DOCK2: variants seen among roughly 807,000 people sequenced by gnomAD.
DOCK2 encodes dedicator of cytokinesis 2, also known as dedicator of cytokinesis protein 2.
DOCK2 carries 87 observed loss-of-function variants against 248.9 expected under a neutral mutation model. That is an observed-to-expected ratio of 0.35 (90% CI 0.29 to 0.42). The LOEUF is 0.42. DOCK2 is among the 10% of genes least tolerant of loss of function. The pLI is 1.00. For synonymous variants in DOCK2, 805 were observed against 821.6 expected, an observed-to-expected ratio of 0.98 and a Z score of 0.35; for missense variants, 1,747 against 2,300.2, an observed-to-expected ratio of 0.76 and a Z score of 4.92.
chr5:170,057,380 G>C, intron 43 of DOCK2, 200 bp from the exon 44 acceptor site: 1 of 636,238 alleles, frequency 1.6e-6, no homozygotes, highest in Non-Finnish European at 2.8e-6. Context: ...AGTCCAGGGA[G>C]AGCTTACACT....
chr5:169,702,078 T>A (rs1761001080), intron 13 of DOCK2: 1 of 384,426 alleles, frequency 2.6e-6, no homozygotes, highest in Non-Finnish European at 4.7e-6. Flanking sequence ...TGAGTGTCCC[T>A]ACTTCCCTTT....
intron 45 of DOCK2, 116 bp downstream of exon 45, chr5:170,067,802 C>A: frequency 8.6e-7 from 1 of 1,165,112 alleles, no homozygotes; most frequent in Non-Finnish European, 1.2e-6. Flanking sequence ...GTCCTTGTCC[C>A]CAGAGGGACC....
chr5:169,950,080 G>A (rs1776598044), intron 27 of DOCK2, among the ~76,000 whole-genome samples: 1 of 152,142 alleles, frequency 6.6e-6, no homozygotes. Context: ...GCATGTTCAA[G>A]CCCATCTGGC....
intron 22 of DOCK2, among the ~76,000 whole-genome samples, chr5:169,737,060 A>G (rs549828331): frequency 6.6e-6 from 1 of 152,320 alleles, no homozygotes; most frequent in East Asian, 1.9e-4. Flanking sequence ...AATCAAGGGG[A>G]AATGCATGTG....
Position 169,841,410 on chromosome 5 carries a change from C to T in DOCK2, c.2799+558C>T, listed in dbSNP as rs151164267. ...TCTTCTCCCGACACAGAACCCAGCTCGAACCCTTTAACCTCTGCCCATCGT... is the reference window on the plus strand; with the variant it reads ...TCTTCTCCCGACACAGAACCCAGCTTGAACCCTTTAACCTCTGCCCATCGT... On this transcript the variant is annotated intron_variant, in intron 27 of 51. Transcript: ENST00000520908. 7.0e-4 allele frequency: 695 copies of T among 987,180 alleles called. 1 individual carries two copies. The highest frequency in any genetic ancestry group is 9.3e-4 in the South Asian group (20 of 21,398). 61.2% of individuals were successfully genotyped at this position (987,180 alleles called of 1,614,324 possible). A position where few individuals can be genotyped will look rare whatever the true frequency, so the allele number is the denominator to read the frequency against.
chr5:170,050,037 T>C (rs985378171), intron 40 of DOCK2, among the ~76,000 whole-genome samples: 11 of 152,236 alleles, frequency 7.2e-5, no homozygotes, highest in Admixed American at 2.0e-4. Context: ...TCAGCATCCA[T>C]GATCTTCCCT....
intron 44 of DOCK2, among the ~76,000 whole-genome samples, chr5:170,065,305 A>C (rs553238116): frequency 9.2e-5 from 14 of 152,348 alleles, no homozygotes; most frequent in Admixed American, 8.5e-4. Flanking sequence ...AAAGCCATCA[A>C]ATCACAAAGG....
At chr5:169,984,600 A>G (rs1165595810) in intron 28 of DOCK2, among the ~76,000 whole-genome samples, 2 of 152,176 alleles carry the variant, frequency 1.3e-5, no homozygotes, top group African/African-American at 2.4e-5. Context: ...AAAAGCAGTG[A>G]TTTTCAAATT....
At position 170,059,246 on chromosome 5, in the gene DOCK2, T is replaced by C. The variant is rs182591225; in HGVS notation, c.4467+1580T>C. On this transcript the variant is annotated intron_variant, in intron 44 of 51. Transcript: ENST00000520908. ...GTCTGTGCCCTTGCTTCATGGCACA[T>C]AAGTTTCAACAAGTGCCCCAGGTGC... Among the ~76,000 whole-genome samples the C allele has an allele frequency of 9.6e-4, 128 of 133,654 alleles. No homozygotes were observed. In the Middle Eastern group the frequency reaches 0.021, roughly 22 times the overall value. 87.7% of individuals were successfully genotyped at this position (133,654 alleles called of 152,430 possible). A position where few individuals can be genotyped will look rare whatever the true frequency, so the allele number is the denominator to read the frequency against.
chr5:169,908,726 T>C (rs925695445), intron 27 of DOCK2, among the ~76,000 whole-genome samples: 1 of 147,496 alleles, frequency 6.8e-6, no homozygotes, highest in African/African-American at 2.5e-5. Context: ...TTTTTTTTTT[T>C]TTTTTTGAGA....
At chr5:169,722,923 A>C (rs184153820) in intron 22 of DOCK2, among the ~76,000 whole-genome samples, 1 of 152,166 alleles carries the variant, frequency 6.6e-6, no homozygotes, top group Non-Finnish European at 1.5e-5. Context: ...TTTGAGGACC[A>C]CAATGTGGTA....
intron 27 of DOCK2, chr5:169,841,538 G>A (rs1173327285): frequency 3.7e-6 from 3 of 806,902 alleles, no homozygotes; most frequent in Non-Finnish European, 4.5e-6. Context: ...CCTGCCAATG[G>A]TTGTCCATCT....
intron 2 of DOCK2, among the ~76,000 whole-genome samples, chr5:169,661,981 A>G (rs1758472428): frequency 6.6e-6 from 1 of 152,192 alleles, no homozygotes; most frequent in African/African-American, 2.4e-5. Context: ...ATATGCCTTG[A>G]AGAGGAATTG....
chr5:169,945,756 G>A (rs531147813), intron 27 of DOCK2, among the ~76,000 whole-genome samples: 40 of 152,130 alleles, frequency 2.6e-4, no homozygotes, highest in Admixed American at 2.1e-3. Context: ...TGGTTCTCTC[G>A]GCCCCCAAGG....
chr5:169,670,503 T>G, intron 3 of DOCK2, 39 bp from the exon 4 acceptor site: 1 of 1,606,902 alleles, frequency 6.2e-7, no homozygotes, highest in African/African-American at 1.3e-5. Context: ...GATATATCTT[T>G]TTATTTTATT....
intron 26 of DOCK2, among the ~76,000 whole-genome samples, chr5:169,837,337 T>C (rs1463196061): frequency 1.3e-5 from 2 of 152,192 alleles, no homozygotes; most frequent in Non-Finnish European, 2.9e-5. Context: ...ACTGGAGCAA[T>C]TAACAGTGGG....
At chr5:169,696,559 C>A (rs1760640331) in intron 10 of DOCK2, among the ~76,000 whole-genome samples, 1 of 152,222 alleles carries the variant, frequency 6.6e-6, no homozygotes, top group South Asian at 2.1e-4. Context: ...AATCAACCTG[C>A]TTTACATAAT....
rs191566647 is a variant in DOCK2, at chr5:169,946,834, G to T, written c.2800-36234G>T. Among the ~76,000 whole-genome samples, 6 of 152,342 alleles carry T rather than the reference G, an allele frequency of 3.9e-5. No homozygotes were observed. In the South Asian group the frequency reaches 8.3e-4, roughly 21 times the overall value. On this transcript the variant is annotated intron_variant, in intron 27 of 51. Transcript: ENST00000520908. ...CTTGAAACTGGGTGGGCAGTGACAT[G>T]GAAAGGGCCTTTAGGCTGGACCTGA...
chr5:169,762,417 A>C (rs961173420), intron 25 of DOCK2, among the ~76,000 whole-genome samples: 6 of 152,220 alleles, frequency 3.9e-5, no homozygotes, highest in African/African-American at 1.4e-4. Flanking sequence ...AGTTATGTTC[A>C]GAGCTTCTGC....
Sources: gnomAD v4.1 joint callset for allele counts (sites outside exome capture counted in the v4.1 genomes callset) on GRCh38, gnomAD v4.1.1 for gene constraint, MANE v1.5 for transcripts, NCBI Gene and HGNC (gene_info 2026-07-23, HGNC 2026-07-21) for gene names.